Variants in SNTG1 observed in about 807,000 individuals in gnomAD.
SNTG1 encodes the protein syntrophin gamma 1.
SNTG1 carries 39 observed loss-of-function variants against 74.7 expected under a neutral mutation model. That is an observed-to-expected ratio of 0.52 (90% CI 0.40 to 0.68). The LOEUF (loss-of-function observed/expected upper bound fraction) is 0.68, where lower values mean the gene tolerates loss of function less well. SNTG1 is among the 30% of genes least tolerant of loss of function. SNTG1 has a pLI of 0.00. For missense variants in SNTG1, 685 were observed against 609.5 expected (o/e 1.12, Z -1.30); for synonymous variants, 254 against 217.1 (o/e 1.17, Z -1.49).
intron 13 of SNTG1, among the ~76,000 whole-genome samples, chr8:50,654,466 A>G (rs897188032): frequency 3.0e-4 from 45 of 152,164 alleles, no homozygotes; most frequent in Admixed American, 2.9e-3. Context: ...GAAAGTTTCA[A>G]TTTTGTATCT....
chr8:50,612,643 G>A (rs1488824022), intron 13 of SNTG1, among the ~76,000 whole-genome samples: 4 of 152,134 alleles, frequency 2.6e-5, no homozygotes, highest in South Asian at 2.1e-4. Context: ...TGCCTATGAC[G>A]TTAAAAAGTT....
intron 17 of SNTG1, among the ~76,000 whole-genome samples, chr8:50,718,588 G>A (rs185770760): frequency 5.1e-4 from 77 of 152,160 alleles, no homozygotes; most frequent in Admixed American, 1.4e-3. Context: ...TCTTGTAAAG[G>A]GCAAAGGGAG....
intron 1 of SNTG1, among the ~76,000 whole-genome samples, chr8:50,113,281 AGT>A (rs1275867203): frequency 6.6e-6 from 1 of 152,160 alleles, no homozygotes; most frequent in African/African-American, 2.4e-5. Flanking sequence ...TTTGTTGAGC[AGT>A]GGTCTGTAGT....
chr8:50,246,250 T>C (rs2086393083), intron 2 of SNTG1, among the ~76,000 whole-genome samples: 1 of 151,774 alleles, frequency 6.6e-6, no homozygotes, highest in Admixed American at 6.6e-5. Context: ...GTAACAATGA[T>C]CCACAAACTA....
chr8:50,115,848 T>C (rs1232140253), intron 1 of SNTG1, among the ~76,000 whole-genome samples: 2 of 152,076 alleles, frequency 1.3e-5, no homozygotes, highest in Non-Finnish European at 2.9e-5. Flanking sequence ...TACTCCTTCA[T>C]CATTCATTGA....
chr8:50,699,271 T>C (rs1176292064), intron 15 of SNTG1, among the ~76,000 whole-genome samples: 1 of 152,120 alleles, frequency 6.6e-6, no homozygotes, highest in Non-Finnish European at 1.5e-5. Flanking sequence ...GTGAGGATCT[T>C]ACTAATGAGC....
intron 2 of SNTG1, among the ~76,000 whole-genome samples, chr8:50,388,249 A>ACTTTCTAT (rs2092604958): frequency 6.6e-6 from 1 of 152,142 alleles, no homozygotes; most frequent in African/African-American, 2.4e-5. Context: ...AAGAGCAAAC[A>ACTTTCTAT]ACCAATCTTA....
At chr8:50,480,102 T>G (rs1390772268) in intron 8 of SNTG1, among the ~76,000 whole-genome samples, 1 of 152,094 alleles carries the variant, frequency 6.6e-6, no homozygotes, top group Non-Finnish European at 1.5e-5. Flanking sequence ...ATACTTACAA[T>G]TTTAAAATAA....
chr8:50,319,958 T>A (rs149880815), intron 2 of SNTG1, among the ~76,000 whole-genome samples: 1,900 of 152,348 alleles, frequency 0.012, 15 homozygotes, highest in Non-Finnish European at 0.021. Flanking sequence ...ATCAGCAATA[T>A]TGGCCTGAAG....
chr8:50,088,310 C>A (rs1473839611), intron 1 of SNTG1, among the ~76,000 whole-genome samples: 29 of 145,068 alleles, frequency 2.0e-4, no homozygotes, highest in Admixed American at 7.1e-4. Context: ...ACTGAATGGG[C>A]AAAAACTGGA....
At chr8:49,926,259 T>C (rs1807017749) in intron 1 of SNTG1, among the ~76,000 whole-genome samples, 1 of 152,094 alleles carries the variant, frequency 6.6e-6, no homozygotes, top group Non-Finnish European at 1.5e-5. Context: ...CCATATGTTC[T>C]ATTACGAAAA....
At chr8:50,572,293 G>A (rs1318742447) in intron 12 of SNTG1, among the ~76,000 whole-genome samples, 1 of 150,952 alleles carries the variant, frequency 6.6e-6, no homozygotes, top group Non-Finnish European at 1.5e-5. Context: ...GAGAGAGAGA[G>A]AGTCATTTCT....
intron 1 of SNTG1, among the ~76,000 whole-genome samples, chr8:49,950,767 GCAAAAAGGCTGTGGA>G: frequency 6.6e-6 from 1 of 152,236 alleles, no homozygotes; most frequent in Admixed American, 6.5e-5. Context: ...GATTTGGCAT[GCAAAAAGGCTGTGGA>G]CTCCTACCTT....
At chr8:50,080,880 A>G (rs891771500) in intron 1 of SNTG1, among the ~76,000 whole-genome samples, 1 of 152,180 alleles carries the variant, frequency 6.6e-6, no homozygotes, top group African/African-American at 2.4e-5. Context: ...GGGTATATTA[A>G]CTTGTTCAAT....
At chr8:50,577,478 G>A (rs1281432959) in intron 12 of SNTG1, among the ~76,000 whole-genome samples, 1 of 133,374 alleles carries the variant, frequency 7.5e-6, no homozygotes, top group Admixed American at 7.7e-5. Flanking sequence ...TTTTTCTTCT[G>A]GTGTCTTTGT....
At chr8:50,001,326 A>T (rs1487542408) in intron 1 of SNTG1, among the ~76,000 whole-genome samples, 1 of 152,144 alleles carries the variant, frequency 6.6e-6, no homozygotes, top group Non-Finnish European at 1.5e-5. Flanking sequence ...TGAAACAAAC[A>T]GTAAACTCTT....
intron 2 of SNTG1, among the ~76,000 whole-genome samples, chr8:50,260,987 G>GTT (rs1393400772): frequency 1.3e-5 from 2 of 152,274 alleles, no homozygotes; most frequent in Non-Finnish European, 2.9e-5. Context: ...TAAAGCAACA[G>GTT]TTACTGATAG....
intron 2 of SNTG1, among the ~76,000 whole-genome samples, chr8:50,308,633 G>A (rs549969755): frequency 6.6e-6 from 1 of 152,072 alleles, no homozygotes; most frequent in African/African-American, 2.4e-5. Flanking sequence ...TAAATATATA[G>A]TCAGCTGGGT....
intron 2 of SNTG1, among the ~76,000 whole-genome samples, chr8:50,187,270 T>C (rs542139209): frequency 3.5e-4 from 54 of 152,236 alleles, no homozygotes; most frequent in Non-Finnish European, 2.9e-4. Context: ...CAAAGTCTGC[T>C]ACAAGGCTAC....
Sources: allele counts gnomAD v4.1 joint callset (sites outside exome capture counted in the v4.1 genomes callset), GRCh38; gene constraint gnomAD v4.1.1; transcripts MANE v1.5; gene names NCBI Gene and HGNC (gene_info 2026-07-23, HGNC 2026-07-21).